The following TMEM132D variants were observed in gnomAD, a reference collection of about 807,000 sequenced individuals.
TMEM132D encodes the protein transmembrane protein 132D.
A neutral mutation model predicts 62.3 loss-of-function variants in TMEM132D; 21 were observed. The observed-to-expected ratio is 0.34, with a 90% CI of 0.24 to 0.49. TMEM132D has a LOEUF of 0.49. TMEM132D is among the 20% of genes least tolerant of loss of function. TMEM132D has a pLI of 0.99. For missense variants in TMEM132D, 1,346 were observed against 1,402.8 expected, an observed-to-expected ratio of 0.96 and a Z score of 0.65; for synonymous variants, 621 against 575.6, an observed-to-expected ratio of 1.08 and a Z score of -1.13.
chr12:129,227,577 A>AT lies in TMEM132D; in HGVS notation c.1300-17915dup, dbSNP rs1325626501. ...GAAACCACAATATTTACCTGATTTTATTTTTATTTATTTTTTAATATATAT... is the reference window on the plus strand; with the variant it reads ...GAAACCACAATATTTACCTGATTTTATTTTTTATTTATTTTTTAATATATAT... On this transcript the variant is annotated intron_variant, in intron 4 of 8. Transcript: ENST00000422113. Among the ~76,000 whole-genome samples the AT allele has an allele frequency of 4.1e-5, 6 of 147,062 alleles. No individual in the cohort carries two copies. The East Asian group carries it at 1.2e-3, about 30-fold the overall frequency.
intron 3 of TMEM132D, among the ~76,000 whole-genome samples, chr12:129,486,698 G>A (rs1357042857): frequency 6.6e-6 from 1 of 152,128 alleles, no homozygotes; most frequent in Non-Finnish European, 1.5e-5. Context: ...CATAGAATGA[G>A]GTGCTTACCT....
intron 5 of TMEM132D, among the ~76,000 whole-genome samples, chr12:129,095,458 A>G (rs1387443397): frequency 6.7e-6 from 1 of 149,678 alleles, no homozygotes; most frequent in Non-Finnish European, 1.5e-5. Flanking sequence ...AGGTTCAAGC[A>G]GTTCTCCTGC....
intron 1 of TMEM132D, among the ~76,000 whole-genome samples, chr12:129,836,882 A>T (rs1326957049): frequency 6.6e-6 from 1 of 152,236 alleles, no homozygotes; most frequent in Non-Finnish European, 1.5e-5. Context: ...GTTAAAAAAC[A>T]CATTGTAGCT....
chr12:129,631,287 G>C (rs1275985154), intron 2 of TMEM132D, among the ~76,000 whole-genome samples: 2 of 152,070 alleles, frequency 1.3e-5, no homozygotes, highest in Admixed American at 1.3e-4. Flanking sequence ...AAAGAACTCT[G>C]GATAAAACCA....
intron 5 of TMEM132D, among the ~76,000 whole-genome samples, chr12:129,163,927 A>T (rs369561362): frequency 6.6e-6 from 1 of 152,322 alleles, no homozygotes; most frequent in East Asian, 1.9e-4. Flanking sequence ...AGAAACACTG[A>T]GATGTCCCAG....
At chr12:129,130,519 TG>T (rs1238555079) in intron 5 of TMEM132D, among the ~76,000 whole-genome samples, 1 of 152,178 alleles carries the variant, frequency 6.6e-6, no homozygotes, top group Non-Finnish European at 1.5e-5. Flanking sequence ...AGGACCCACC[TG>T]CCACGTTCTA....
intron 3 of TMEM132D, among the ~76,000 whole-genome samples, chr12:129,421,368 C>T (rs967222864): frequency 1.3e-5 from 2 of 152,186 alleles, no homozygotes; most frequent in African/African-American, 2.4e-5. Flanking sequence ...CTTCACAAAT[C>T]AGCTACACTA....
At chr12:129,142,310 C>A (rs1183201720) in intron 5 of TMEM132D, among the ~76,000 whole-genome samples, 3 of 152,100 alleles carry the variant, frequency 2.0e-5, no homozygotes, top group African/African-American at 7.2e-5. Flanking sequence ...AACCCTGATT[C>A]TCTGGATAAG....
At position 129,362,298 on chromosome 12, in the gene TMEM132D, T is replaced by G. The variant is rs1017148243; in HGVS notation, c.1116-24481A>C. The stretch of plus-strand genomic sequence containing the variant: ...CCTGGTTAAAGAGAGTTTCCAACAC[T>G]CAGAAGTACAAGGCAATTGGGGCTG... On this transcript the variant is annotated intron_variant, in intron 3 of 8. Transcript: ENST00000422113. Among the ~76,000 whole-genome samples, 6 of 152,200 alleles carry G rather than the reference T, an allele frequency of 3.9e-5. No individual in the cohort carries two copies. In the South Asian group the frequency reaches 8.3e-4, roughly 21 times the overall value.
At chr12:129,186,441 G>T (rs182817418) in intron 5 of TMEM132D, among the ~76,000 whole-genome samples, 1 of 152,272 alleles carries the variant, frequency 6.6e-6, no homozygotes, top group African/African-American at 2.4e-5. Context: ...AGAAGAGGGG[G>T]CCCAGGCTTT....
rs142341900 is a variant in TMEM132D, at chr12:129,556,241, G to A, written c.969-25036C>T. 4.2e-3 allele frequency among the ~76,000 whole-genome samples: 642 copies of A among 152,208 alleles called. 6 individuals are homozygous for A. The highest frequency in any genetic ancestry group is 0.015 in the African/African-American group (615 of 41,510). On this transcript the variant is annotated intron_variant, in intron 2 of 8. Transcript: ENST00000422113. Reference sequence around the variant, plus strand: ...TAACACAAACATTCCACCGCTGCTCGTCTCACCCAGCAGCTGTCTGTGCAC... The same window carrying A: ...TAACACAAACATTCCACCGCTGCTCATCTCACCCAGCAGCTGTCTGTGCAC...
intron 5 of TMEM132D, among the ~76,000 whole-genome samples, chr12:129,199,827 C>A (rs2054812): frequency 0.6 from 90,515 of 151,886 alleles, 27,552 homozygotes; most frequent in Middle Eastern, 0.7. Context: ...AAGACCCGCC[C>A]CCACGTTTCA....
At chr12:129,723,244 T>C (rs546788226) in intron 1 of TMEM132D, among the ~76,000 whole-genome samples, 11 of 152,376 alleles carry the variant, frequency 7.2e-5, no homozygotes, top group African/African-American at 2.6e-4. Flanking sequence ...TAATCTTTCA[T>C]ATAACAGAAG....
At chr12:129,418,919 G>A (rs1490984954) in intron 3 of TMEM132D, among the ~76,000 whole-genome samples, 1 of 152,090 alleles carries the variant, frequency 6.6e-6, no homozygotes, top group African/African-American at 2.4e-5. Flanking sequence ...GAGTCATGCC[G>A]AGTGACAATC....
intron 5 of TMEM132D, among the ~76,000 whole-genome samples, chr12:129,184,403 C>A (rs572546156): frequency 6.6e-6 from 1 of 152,288 alleles, no homozygotes; most frequent in African/African-American, 2.4e-5. Flanking sequence ...GTCCTTTGTG[C>A]GGGCTGTTTA....
chr12:129,397,494 C>T (rs1871465542), intron 3 of TMEM132D, among the ~76,000 whole-genome samples: 1 of 152,150 alleles, frequency 6.6e-6, no homozygotes, highest in South Asian at 2.1e-4. Context: ...ACACTGGAAT[C>T]CATGAGAAAC....
chr12:129,366,415 C>T (rs1416127515), intron 3 of TMEM132D, among the ~76,000 whole-genome samples: 1 of 152,154 alleles, frequency 6.6e-6, no homozygotes, highest in Non-Finnish European at 1.5e-5. Context: ...CTCTCTCTTG[C>T]TCCTGCTCTG....
chr12:129,555,999 G>C (rs1593064616), intron 2 of TMEM132D, among the ~76,000 whole-genome samples: 1 of 152,182 alleles, frequency 6.6e-6, no homozygotes, highest in East Asian at 1.9e-4. Context: ...GGTTACACGG[G>C]ATTTATGTGT....
intron 1 of TMEM132D, among the ~76,000 whole-genome samples, chr12:129,792,336 A>G (rs986352291): frequency 1.3e-5 from 2 of 152,134 alleles, no homozygotes; most frequent in Non-Finnish European, 2.9e-5. Flanking sequence ...TTTCATCTCT[A>G]CGGGCCTTAG....
Sources: allele counts gnomAD v4.1 joint callset (sites outside exome capture counted in the v4.1 genomes callset), GRCh38; gene constraint gnomAD v4.1.1; transcripts MANE v1.5; gene names NCBI Gene and HGNC (gene_info 2026-07-23, HGNC 2026-07-21).